FER1L6: variants seen among roughly 807,000 people sequenced by gnomAD.
FER1L6 encodes fer-1 like family member 6, also known as fer-1-like protein 6.
A neutral mutation model predicts 219.2 loss-of-function variants in FER1L6; 177 were observed. The observed-to-expected ratio is 0.81, with a 90% CI of 0.71 to 0.91. The LOEUF is 0.91. FER1L6 is among the 40% of genes least tolerant of loss of function. The pLI, the probability that FER1L6 is intolerant of heterozygous loss-of-function variation, is 0.00. For synonymous variants in FER1L6, 768 were observed against 824.3 expected, an observed-to-expected ratio of 0.93 and a Z score of 1.17; for missense variants, 2,153 against 2,259.9, an observed-to-expected ratio of 0.95 and a Z score of 0.96.
chr8:123,963,494 A>T, intron 3 of FER1L6, 96 bp downstream of exon 3: 1 of 1,424,118 alleles, frequency 7.0e-7, no homozygotes, highest in South Asian at 1.2e-5. Flanking sequence ...GGAGAGTAAG[A>T]CATAGTCACT....
rs781085168 is a variant in FER1L6, at chr8:123,966,305, T to C, written c.384+15T>C. On this transcript the variant is annotated intron_variant, in intron 5 of 40. Coordinates refer to ENST00000522917, the MANE Select transcript of FER1L6 (RefSeq NM_001039112.2). The stretch of plus-strand genomic sequence containing the variant: ...TTTATAATGAAGTAAGTCATGGAGG[T>C]CACCCACAGCTTTTGCACTAAGATT... The C allele has an allele frequency of 8.1e-6, 13 of 1,613,674 alleles. No individual in the cohort carries two copies. The highest frequency in any genetic ancestry group is 1.1e-5 in the South Asian group (1 of 91,012).
At chr8:123,889,812 T>C (rs879174531) in intron 1 of FER1L6, among the ~76,000 whole-genome samples, 1 of 151,942 alleles carries the variant, frequency 6.6e-6, no homozygotes, top group Admixed American at 6.6e-5. Context: ...AAGATATGTT[T>C]TTGGAAAGGA....
intron 1 of FER1L6, among the ~76,000 whole-genome samples, chr8:123,943,042 G>A (rs914874485): frequency 6.6e-6 from 1 of 152,158 alleles, no homozygotes; most frequent in African/African-American, 2.4e-5. Context: ...ATCCCAGCAC[G>A]TACCAATCTC....
intron 11 of FER1L6, among the ~76,000 whole-genome samples, chr8:123,981,565 T>C (rs531377013): frequency 6.3e-4 from 95 of 151,962 alleles, no homozygotes; most frequent in African/African-American, 2.1e-3. Flanking sequence ...GGAAGGGAGG[T>C]GATGCTCAAA....
chr8:123,998,373 A>ACACT, intron 12 of FER1L6, among the ~76,000 whole-genome samples: 1 of 32,478 alleles, frequency 3.1e-5, no homozygotes, highest in Admixed American at 4.6e-4. Context: ...AAAGAGGGAA[A>ACACT]CTCTCTCTCT....
At chr8:123,940,719 G>T (rs1387132192) in intron 1 of FER1L6, among the ~76,000 whole-genome samples, 1 of 152,136 alleles carries the variant, frequency 6.6e-6, no homozygotes, top group African/African-American at 2.4e-5. Context: ...GAATTGTAAA[G>T]AAAATTCCCA....
At chr8:123,867,625 T>C (rs898096866) in intron 1 of FER1L6, among the ~76,000 whole-genome samples, 1 of 152,214 alleles carries the variant, frequency 6.6e-6, no homozygotes, top group Non-Finnish European at 1.5e-5. Context: ...TATGGTTGTT[T>C]TGAGAATAAA....
rs1481016639 is a variant in FER1L6, at chr8:123,997,918, T to C, written c.1520-5249T>C. ...TAGTATTCTGAATTGCTTCTCTGTG[T>C]TATCCTGAATTTTATTAAGTTTCCT... On this transcript the variant is annotated intron_variant, in intron 12 of 40. Coordinates refer to ENST00000522917, the MANE Select transcript of FER1L6 (RefSeq NM_001039112.2). Among the ~76,000 whole-genome samples the C allele has an allele frequency of 2.0e-5, 3 of 152,208 alleles. 1 individual carries two copies. The highest frequency in any genetic ancestry group is 4.4e-5 in the Non-Finnish European group (3 of 68,040).
chr8:124,107,617 G>GC (rs1218253346), intron 39 of FER1L6, among the ~76,000 whole-genome samples: 1 of 152,154 alleles, frequency 6.6e-6, no homozygotes, highest in Non-Finnish European at 1.5e-5. Context: ...TCCTTGCCTT[G>GC]CCAGAGCCTA....
intron 32 of FER1L6, among the ~76,000 whole-genome samples, chr8:124,081,649 G>A (rs1481393920): frequency 2.0e-5 from 3 of 149,946 alleles, no homozygotes; most frequent in Non-Finnish European, 4.4e-5. Flanking sequence ...TTCTCAAGGG[G>A]CTCATAGTCT....
chr8:124,035,905 C>T (rs1016826828), intron 19 of FER1L6: 1 of 152,790 alleles, frequency 6.5e-6, no homozygotes, highest in African/African-American at 2.4e-5. Context: ...TCAGTAGGTT[C>T]ACTTATATTT....
intron 39 of FER1L6, among the ~76,000 whole-genome samples, chr8:124,113,467 A>G (rs1278341832): frequency 6.6e-6 from 1 of 152,198 alleles, no homozygotes; most frequent in African/African-American, 2.4e-5. Flanking sequence ...CATAACCACA[A>G]TGCTGTCACC....
intron 1 of FER1L6, among the ~76,000 whole-genome samples, chr8:123,868,947 G>A (rs922834020): frequency 6.6e-6 from 1 of 152,162 alleles, no homozygotes; most frequent in African/African-American, 2.4e-5. Flanking sequence ...CAGGTAGGGA[G>A]AGTTGTGAGC....
intron 18 of FER1L6, among the ~76,000 whole-genome samples, chr8:124,033,448 A>G (rs1473488152): frequency 6.6e-6 from 1 of 152,192 alleles, no homozygotes; most frequent in East Asian, 1.9e-4. Flanking sequence ...TGTAAATTAC[A>G]GGTTGTAGAG....
Position 124,064,357 on chromosome 8 carries a change from T to A in FER1L6, c.3339T>A (p.Asp1113Glu), listed in dbSNP as rs767912582. ...DGTQPGHDIS[D>E]SLTATESSGA... ...GTGCTTTCATTTCAGATATTTCAGA[T>A]TCGCTAACAGCCACTGAGTCCTCTG... The change falls in exon 26 of 41, where the codon GAT becomes GAA. Residue 1113 changes from aspartate (D) to glutamate (E), a missense_variant. Physicochemically the swap from Asp to Glu is conservative, Grantham distance 45 (BLOSUM62 2). Coordinates refer to ENST00000522917, the MANE Select transcript of FER1L6 (RefSeq NM_001039112.2). 2 of 1,612,746 alleles carry A rather than the reference T, an allele frequency of 1.2e-6. No homozygotes were observed. The highest frequency in any genetic ancestry group is 2.2e-5 in the South Asian group (2 of 90,772).
In FER1L6 at chr8:124,021,543, G is replaced by A; in HGVS notation, c.2014-7G>A. ...AAAGACCCACACTGACTCTTGTCTTGTTTTAGGAAGCAATGTGCAAGGAGG... is the reference window on the plus strand; with the variant it reads ...AAAGACCCACACTGACTCTTGTCTTATTTTAGGAAGCAATGTGCAAGGAGG... On this transcript the variant is annotated splice_polypyrimidine_tract_variant and splice_region_variant and intron_variant, in intron 16 of 40. Transcript: ENST00000522917. The A allele has an allele frequency of 6.2e-7, 1 of 1,613,910 alleles. No homozygotes were observed. Among genetic ancestry groups the A allele is most frequent in the Non-Finnish European group, 8.5e-7 (1 of 1,179,838 alleles).
intron 22 of FER1L6, among the ~76,000 whole-genome samples, chr8:124,050,266 C>G (rs1040621240): frequency 3.9e-5 from 6 of 152,154 alleles, no homozygotes; most frequent in African/African-American, 1.4e-4. Flanking sequence ...TGACCTTAGA[C>G]CTTTAAGGCC....
At chr8:124,049,127 A>C (rs111455750) in intron 21 of FER1L6, among the ~76,000 whole-genome samples, 134 of 151,596 alleles carry the variant, frequency 8.8e-4, no homozygotes, top group African/African-American at 2.7e-3. Flanking sequence ...GGCTTACTGC[A>C]ACCTCCACAT....
rs1001253952 is a variant in FER1L6, at chr8:123,960,410, G to C, written c.77-2868G>C. 4.6e-5 allele frequency among the ~76,000 whole-genome samples: 7 copies of C among 152,282 alleles called. No homozygotes were observed. The East Asian group carries it at 1.4e-3, about 29-fold the overall frequency. The stretch of plus-strand genomic sequence containing the variant: ...CAGATGAATTAAATTAGAATCTAGG[G>C]TGGAGAGGAAAATGTTATAAGGGTT... On this transcript the variant is annotated intron_variant, in intron 2 of 40. Transcript: ENST00000522917.
Sources: gnomAD v4.1 joint callset for allele counts (sites outside exome capture counted in the v4.1 genomes callset) on GRCh38, gnomAD v4.1.1 for gene constraint, MANE v1.5 for transcripts, NCBI Gene and HGNC (gene_info 2026-07-23, HGNC 2026-07-21) for gene names.